Variants in FABP6 observed in about 807,000 individuals in gnomAD.
FABP6 encodes gastrotropin.
A neutral mutation model predicts 14.9 loss-of-function variants in FABP6; 13 were observed. The observed-to-expected ratio is 0.87, with a 90% CI of 0.57 to 1.39. The LOEUF is 1.39. Among genes scored for constraint, FABP6 ranks in the 40% most tolerant of loss-of-function variants. The pLI is 0.00. For synonymous variants in FABP6, 75 were observed against 63.6 expected (o/e 1.18, Z -0.85); for missense variants, 161 against 167.2 (o/e 0.96, Z 0.20).
At chr5:160,205,853 G>A (rs575635802) in intron 2 of FABP6, among the ~76,000 whole-genome samples, 15 of 152,176 alleles carry the variant, frequency 9.9e-5, no homozygotes, top group South Asian at 4.1e-4. Flanking sequence ...CTCTAATGCC[G>A]TTACTGATCC....
At chr5:160,213,841 G>A in intron 3 of FABP6, 1 of 1,599,320 alleles carries the variant, frequency 6.3e-7, no homozygotes, top group Non-Finnish European at 8.6e-7. Context: ...AAGAAGGGAG[G>A]GAAGGGTTCC....
chr5:160,229,685 A>G, intron 1 of FABP6, 61 bp downstream of exon 1: 1 of 1,472,782 alleles, frequency 6.8e-7, no homozygotes, highest in Non-Finnish European at 9.5e-7. Context: ...GCTCTGGGCC[A>G]GGAACCCTAA....
Position 160,208,074 on chromosome 5 carries a change from A to C in FABP6, c.52-5662A>C, listed in dbSNP as rs1245717719. 2.0e-5 allele frequency among the ~76,000 whole-genome samples: 3 copies of C among 152,218 alleles called. No individual in the cohort carries two copies. In the East Asian group the frequency reaches 5.8e-4, roughly 29 times the overall value. On this transcript the variant is annotated intron_variant, in intron 2 of 6. Transcript: ENST00000393980. ...GCATTTTTTCTCAATTTTATGTAAAAAATTTCTGAATTTTATGCATTTTTC... is the reference window on the plus strand; with the variant it reads ...GCATTTTTTCTCAATTTTATGTAAACAATTTCTGAATTTTATGCATTTTTC...
intron 1 of FABP6, chr5:160,197,782 A>AGAGGGT (rs3044550): frequency 0.92 from 140,181 of 151,990 alleles, 64,846 homozygotes; most frequent in African/African-American, 0.98. Flanking sequence ...GCAGGAAGCG[A>AGAGGGT]GAGGCAGTGG....
At chr5:160,199,091 G>A (rs751957245) in exon 2 of FABP6, 2 of 1,614,070 alleles carry the variant, frequency 1.2e-6, no homozygotes, top group Non-Finnish European at 1.7e-6. Context: ...GCAGGGGCTG[G>A]TCCAGCCCAG....
intron 1 of FABP6, among the ~76,000 whole-genome samples, chr5:160,190,872 G>A (rs58364708): frequency 0.092 from 13,968 of 151,572 alleles, 853 homozygotes; most frequent in East Asian, 0.36. Context: ...CAGCACTTTC[G>A]GAGGCCGAGG....
intron 1 of FABP6, among the ~76,000 whole-genome samples, chr5:160,230,215 A>C (rs1010118757): frequency 6.6e-6 from 1 of 152,018 alleles, no homozygotes; most frequent in African/African-American, 2.4e-5. Context: ...CACACATAGA[A>C]TATATTAGTA....
At chr5:160,235,791 C>T (rs955471520) in intron 3 of FABP6, among the ~76,000 whole-genome samples, 1 of 152,024 alleles carries the variant, frequency 6.6e-6, no homozygotes, top group African/African-American at 2.4e-5. Flanking sequence ...CTCTCTCTCT[C>T]ATTCTCGCTT....
At chr5:160,193,926 CTGGGCGCCG>C (rs1394854522) in intron 1 of FABP6, among the ~76,000 whole-genome samples, 1 of 152,252 alleles carries the variant, frequency 6.6e-6, no homozygotes, top group Admixed American at 6.5e-5. Context: ...GTCGATGGGA[CTGGGCGCCG>C]TGGGGCAGGG....
intron 3 of FABP6, among the ~76,000 whole-genome samples, chr5:160,219,302 G>A (rs951170274): frequency 1.3e-5 from 2 of 152,210 alleles, no homozygotes; most frequent in Non-Finnish European, 2.9e-5. Context: ...GTAGCTGGCT[G>A]AGGCAGGGGC....
intron 2 of FABP6, among the ~76,000 whole-genome samples, chr5:160,200,728 G>A (rs909438987): frequency 3.3e-4 from 50 of 152,158 alleles, no homozygotes; most frequent in Admixed American, 1.9e-3. Flanking sequence ...TTTAGTTTGA[G>A]GAGAGGTCTG....
intron 3 of FABP6, among the ~76,000 whole-genome samples, chr5:160,237,200 G>A (rs1760535897): frequency 6.6e-6 from 1 of 152,012 alleles, no homozygotes; most frequent in Non-Finnish European, 1.5e-5. Context: ...AGAGCATAGG[G>A]CAGGAGAACT....
intron 3 of FABP6, among the ~76,000 whole-genome samples, chr5:160,214,897 T>C (rs1226460433): frequency 1.3e-5 from 2 of 152,154 alleles, no homozygotes; most frequent in Non-Finnish European, 2.9e-5. Context: ...TTTCCCTGTC[T>C]GGCAGATACT....
intron 2 of FABP6, among the ~76,000 whole-genome samples, chr5:160,233,270 G>A (rs1015053868): frequency 8.6e-5 from 13 of 151,690 alleles, no homozygotes; most frequent in Non-Finnish European, 1.3e-4. Context: ...GTGAGCCACC[G>A]TGCCCAGCCA....
chr5:160,229,412 TC>T (rs1214913607), upstream of FABP6: 1 of 1,496,642 alleles, frequency 6.7e-7, no homozygotes, highest in East Asian at 2.3e-5. Context: ...AAGTGCTTCC[TC>T]TTCAGGACAG....
chr5:160,237,413 A>G (rs1760541071), intron 3 of FABP6, among the ~76,000 whole-genome samples: 1 of 152,024 alleles, frequency 6.6e-6, no homozygotes, highest in East Asian at 1.9e-4. Flanking sequence ...ACACATAAAC[A>G]AAGTTGCATG....
intron 1 of FABP6, among the ~76,000 whole-genome samples, chr5:160,230,713 C>T (rs951478969): frequency 6.6e-6 from 1 of 152,090 alleles, no homozygotes; most frequent in Non-Finnish European, 1.5e-5. Flanking sequence ...TCAGTGTTAC[C>T]AATGGGGACT....
intron 3 of FABP6, among the ~76,000 whole-genome samples, chr5:160,224,313 A>G (rs988694029): frequency 2.0e-5 from 3 of 152,038 alleles, no homozygotes; most frequent in Non-Finnish European, 4.4e-5. Flanking sequence ...GATCCTAGCT[A>G]CTCGTGAGCC....
intron 3 of FABP6, chr5:160,213,941 G>C: frequency 1.2e-6 from 1 of 802,660 alleles, no homozygotes; most frequent in Non-Finnish European, 2.1e-6. Context: ...TGCATTGTTA[G>C]AATATTAGGT....
Sources: gnomAD v4.1 joint callset for allele counts (sites outside exome capture counted in the v4.1 genomes callset) on GRCh38, gnomAD v4.1.1 for gene constraint, MANE v1.5 for transcripts, NCBI Gene and HGNC (gene_info 2026-07-23, HGNC 2026-07-21) for gene names.